RCBTB2: variants seen among roughly 807,000 people sequenced by gnomAD.
The protein encoded by RCBTB2 is RCC1 and BTB domain-containing protein 2.
A neutral mutation model predicts 65.4 loss-of-function variants in RCBTB2; 55 were observed. The observed-to-expected ratio is 0.84, with a 90% CI of 0.68 to 1.05. The LOEUF (loss-of-function observed/expected upper bound fraction) is 1.05, where lower values mean the gene tolerates loss of function less well. RCBTB2 is among the 50% of genes least tolerant of loss of function. The pLI, the probability that RCBTB2 is intolerant of heterozygous loss-of-function variation, is 0.00. For missense variants in RCBTB2, 599 were observed against 680.1 expected (o/e 0.88, Z 1.33); for synonymous variants, 220 against 255.2 (o/e 0.86, Z 1.31).
At chr13:48,522,196 C>A in intron 3 of RCBTB2, 112 bp downstream of exon 3, 1 of 787,096 alleles carries the variant, frequency 1.3e-6, no homozygotes. Flanking sequence ...CTGCTGAGGT[C>A]TGAAAAAGTA....
intron 12 of RCBTB2, 78 bp downstream of exon 12, chr13:48,501,664 G>T (rs1433033791): frequency 1.6e-6 from 2 of 1,246,676 alleles, no homozygotes; most frequent in Non-Finnish European, 2.3e-6. Context: ...TTACTGAGGT[G>T]CCTAATATAG....
intron 6 of RCBTB2, 103 bp from the exon 7 acceptor site, chr13:48,512,998 G>T: frequency 1.1e-6 from 1 of 951,140 alleles, no homozygotes; most frequent in Non-Finnish European, 1.5e-6. Context: ...AAATTCAGGT[G>T]CAAAAAGCTA....
At chr13:48,526,938 A>G (rs532039608) in intron 1 of RCBTB2, among the ~76,000 whole-genome samples, 68 of 152,100 alleles carry the variant, frequency 4.5e-4, no homozygotes, top group East Asian at 1.9e-4. Context: ...TAATAAATAG[A>G]TTTTTTTTAA....
chr13:48,490,765 G>A (rs1378610434), intron 14 of RCBTB2, among the ~76,000 whole-genome samples: 3 of 152,130 alleles, frequency 2.0e-5, no homozygotes, highest in Non-Finnish European at 2.9e-5. Context: ...TTTATGAGAC[G>A]ACACAGGATG....
intron 13 of RCBTB2, among the ~76,000 whole-genome samples, chr13:48,499,134 ACACACACACTCT>A (rs1161687107): frequency 1.4e-5 from 2 of 147,924 alleles, no homozygotes; most frequent in African/African-American, 2.6e-5. Context: ...ACACACACAC[ACACACACACTCT>A]CTCTCTCTCT....
chr13:48,521,874 C>A, intron 4 of RCBTB2, 24 bp downstream of exon 4: 1 of 1,611,494 alleles, frequency 6.2e-7, no homozygotes, highest in South Asian at 1.1e-5. Context: ...CACACATGCT[C>A]CAAGGGCATG....
At position 48,515,647 on chromosome 13, in the gene RCBTB2, C is replaced by CGAATTA. The variant is rs1566307880; in HGVS notation, c.131_136dup (p.Leu44_Ile45dup). 1 of 1,613,900 alleles carries CGAATTA rather than the reference C, an allele frequency of 6.2e-7. No individual in the cohort carries two copies. Among genetic ancestry groups the CGAATTA allele is most frequent in the Admixed American group, 1.7e-5 (1 of 60,002 alleles). On this transcript the variant is annotated inframe_insertion, in exon 5 of 15. Coordinates refer to ENST00000344532, the MANE Select transcript of RCBTB2 (RefSeq NM_001268.4). ...AGCACTGCCAAAGACACAAGCCTGA[C>CGAATTA]GAATTAACTGTAGTTCTTCTTCAGA... is the stretch of plus-strand genomic sequence containing the variant.
chr13:48,509,073 G>C (rs1352337968), intron 10 of RCBTB2, among the ~76,000 whole-genome samples: 1 of 152,168 alleles, frequency 6.6e-6, no homozygotes, highest in Non-Finnish European at 1.5e-5. Flanking sequence ...GCTCATACCT[G>C]TAATCCCAGC....
chr13:48,524,796 A>C (rs1297335516), intron 1 of RCBTB2, 39 bp from the exon 2 acceptor site: 1 of 152,208 alleles, frequency 6.6e-6, no homozygotes, highest in African/African-American at 2.4e-5. Flanking sequence ...TATTAGAGAA[A>C]AACAGAAGGA....
At chr13:48,523,130 C>T (rs918056768) in intron 2 of RCBTB2, among the ~76,000 whole-genome samples, 22 of 151,962 alleles carry the variant, frequency 1.4e-4, no homozygotes, top group Non-Finnish European at 2.8e-4. Context: ...ATTTATAAAC[C>T]GATCTGATTG....
At position 48,501,731 on chromosome 13, in the gene RCBTB2, T is replaced by A. The variant is rs1209814508; in HGVS notation, c.1244+11A>T. The stretch of plus-strand genomic sequence containing the variant: ...TTACTTTTCTCAATTCTCAAATAAA[T>A]GATTCCTTACCGAATCTTGAGAAGG... On this transcript the variant is annotated intron_variant, in intron 12 of 14. Transcript: ENST00000344532. 1.9e-6 allele frequency: 3 copies of A among 1,603,932 alleles called. No individual in the cohort carries two copies. In the South Asian group the frequency reaches 3.3e-5, roughly 18 times the overall value.
rs371704336 is a variant in RCBTB2 at position 48,502,901 on chromosome 13, C to A, written c.940G>T (p.Ala314Ser). 1.2e-6 allele frequency: 2 copies of A among 1,611,878 alleles called. No individual in the cohort carries two copies. The highest frequency in any genetic ancestry group is 1.7e-6 in the Non-Finnish European group (2 of 1,178,458). ...TVEKDRIIEIAACHSTHTSAA... is the reference protein window; with the variant it reads ...TVEKDRIIEISACHSTHTSAA... ...GACGTGTGTGTGGAGTGACAGGCTG[C>A]AATCTCGATAATCCTAAATTCACAA... Residue 314 changes from alanine (A) to serine (S), a missense_variant, in exon 11 of 15, where the codon GCA (alanine) becomes TCA (serine). By Grantham distance (99) the Ala-to-Ser change is moderately conservative. Coordinates refer to ENST00000344532, the MANE Select transcript of RCBTB2 (RefSeq NM_001268.4).
rs1241859739 is a variant in RCBTB2, at chr13:48,489,558, CA to C, written c.*552del. 2 of 152,252 alleles carry C rather than the reference CA, an allele frequency of 1.3e-5. No homozygotes were observed. The highest frequency in any genetic ancestry group is 2.4e-5 in the African/African-American group (1 of 41,434). The allele number at this position is 152,252 out of a possible 1,614,324, so 9.4% of individuals were successfully genotyped here. On this transcript the variant is annotated 3_prime_UTR_variant, in exon 15 of 15. Transcript: ENST00000344532. ...GCCACAATTTCTCAGAATGATATACCAGAAGAATATGAACCTCAATAATTAC... is the reference window on the plus strand; with the variant it reads ...GCCACAATTTCTCAGAATGATATACCGAAGAATATGAACCTCAATAATTAC...
intron 1 of RCBTB2, among the ~76,000 whole-genome samples, chr13:48,530,198 C>G (rs1048064720): frequency 5.3e-5 from 8 of 152,160 alleles, no homozygotes; most frequent in African/African-American, 1.9e-4. Flanking sequence ...CCGCGCCCGG[C>G]CTGATTTGTA....
chr13:48,535,748 T>C (rs1160930127), upstream of RCBTB2: 3 of 456,642 alleles, frequency 6.6e-6, no homozygotes, highest in Non-Finnish European at 1.3e-5. Context: ...CATCTTCTTC[T>C]GTTGGCCTTC....
chr13:48,505,688 C>T (rs576687312), intron 10 of RCBTB2, among the ~76,000 whole-genome samples: 4 of 152,138 alleles, frequency 2.6e-5, no homozygotes, highest in Middle Eastern at 6.8e-3. Flanking sequence ...GCAGGACACG[C>T]GGATCAGAGT....
At chr13:48,513,155 A>C (rs1166862630) in intron 6 of RCBTB2, among the ~76,000 whole-genome samples, 1 of 152,256 alleles carries the variant, frequency 6.6e-6, no homozygotes, top group African/African-American at 2.4e-5. Context: ...AGAGCAGAGA[A>C]AAGGCTGCTG....
chr13:48,514,000 G>C, intron 6 of RCBTB2, among the ~76,000 whole-genome samples: 1 of 152,146 alleles, frequency 6.6e-6, no homozygotes, highest in East Asian at 1.9e-4. Context: ...TAATCAAAGA[G>C]AACAATTACA....
chr13:48,527,356 T>G (rs1312202455), intron 1 of RCBTB2, among the ~76,000 whole-genome samples: 1 of 109,284 alleles, frequency 9.2e-6, no homozygotes, highest in African/African-American at 8.6e-5. Context: ...ATATATGATA[T>G]ATATTTATAT....
Sources: gnomAD v4.1 joint callset for allele counts (sites outside exome capture counted in the v4.1 genomes callset) on GRCh38, gnomAD v4.1.1 for gene constraint, MANE v1.5 for transcripts, NCBI Gene and HGNC (gene_info 2026-07-23, HGNC 2026-07-21) for gene names.